CADM2: variants seen among roughly 807,000 people sequenced by gnomAD.
CADM2 encodes the protein cell adhesion molecule 2.
Under a neutral mutation model 49.8 loss-of-function variants are expected in CADM2, and 12 were observed. The ratio of observed to expected loss-of-function variants is 0.24; its 90% CI spans 0.15 to 0.39. CADM2 has a LOEUF of 0.39. Among genes scored for constraint, CADM2 ranks in the 10% least tolerant of loss-of-function variants. The probability of loss-of-function intolerance (pLI) is 1.00; values close to 1 mark genes in which losing one functional copy is unlikely to be tolerated. For synonymous variants in CADM2, 214 were observed against 175.4 expected (o/e 1.22, Z -1.74); for missense variants, 378 against 492.3 (o/e 0.77, Z 2.20).
intron 8 of CADM2, among the ~76,000 whole-genome samples, chr3:86,026,070 T>G (rs2107101998): frequency 6.6e-6 from 1 of 152,268 alleles, no homozygotes; most frequent in African/African-American, 2.4e-5. Flanking sequence ...AATTTAATGT[T>G]TATTGTGTAC....
intron 1 of CADM2, among the ~76,000 whole-genome samples, chr3:85,299,913 G>A (rs2044052930): frequency 6.6e-6 from 1 of 151,850 alleles, no homozygotes; most frequent in Non-Finnish European, 1.5e-5. Flanking sequence ...TTCTTTTGTA[G>A]CAGATCGTCA....
intron 3 of CADM2, among the ~76,000 whole-genome samples, chr3:85,802,734 A>G (rs1174891334): frequency 6.6e-6 from 1 of 152,156 alleles, no homozygotes; most frequent in Non-Finnish European, 1.5e-5. Context: ...ATTGGACTTC[A>G]TTAACTAATT....
At chr3:85,827,076 T>C (rs2073949704) in intron 3 of CADM2, among the ~76,000 whole-genome samples, 1 of 151,894 alleles carries the variant, frequency 6.6e-6, no homozygotes, top group African/African-American at 2.4e-5. Context: ...GGCTAGAAAC[T>C]GAATCAAGGA....
chr3:85,990,013 CAAAAAAAAAAAA>C (rs58178176), intron 8 of CADM2, among the ~76,000 whole-genome samples: 46 of 9,638 alleles, frequency 4.8e-3, no homozygotes, highest in Admixed American at 0.01. Context: ...ACTCCATGTC[CAAAAAAAAAAAA>C]AAAAAAAAAA....
chr3:85,953,589 T>A (rs1008229661), intron 7 of CADM2, among the ~76,000 whole-genome samples: 1 of 150,926 alleles, frequency 6.6e-6, no homozygotes, highest in Non-Finnish European at 1.5e-5. Context: ...GTGATGAATC[T>A]TTCTGATGTT....
At chr3:85,485,693 T>G (rs1387148054) in intron 1 of CADM2, among the ~76,000 whole-genome samples, 1 of 152,080 alleles carries the variant, frequency 6.6e-6, no homozygotes. Flanking sequence ...AGTAACTATT[T>G]ATTGCATTGA....
At chr3:85,205,565 T>C (rs1295197917) in intron 1 of CADM2, among the ~76,000 whole-genome samples, 1 of 152,084 alleles carries the variant, frequency 6.6e-6, no homozygotes, top group Non-Finnish European at 1.5e-5. Flanking sequence ...AATCAAAATA[T>C]GCCATAATTT....
intron 6 of CADM2, among the ~76,000 whole-genome samples, chr3:85,924,651 A>T (rs1719598267): frequency 6.6e-6 from 1 of 152,044 alleles, no homozygotes; most frequent in South Asian, 2.1e-4. Flanking sequence ...GAAAGTGCTG[A>T]TGCATTTATT....
intron 8 of CADM2, among the ~76,000 whole-genome samples, chr3:85,983,606 T>G (rs1435831793): frequency 1.3e-5 from 2 of 151,768 alleles, no homozygotes; most frequent in Non-Finnish European, 2.9e-5. Flanking sequence ...TACCAGCAGT[T>G]GTATCATACC....
At chr3:85,330,058 G>A (rs573315434) in intron 1 of CADM2, among the ~76,000 whole-genome samples, 25 of 152,098 alleles carry the variant, frequency 1.6e-4, no homozygotes, top group Middle Eastern at 3.2e-3. Context: ...ATTTTAAGAC[G>A]TGGTAGAAAT....
intron 2 of CADM2, among the ~76,000 whole-genome samples, chr3:85,735,370 T>C (rs188760399): frequency 3.3e-4 from 50 of 152,238 alleles, no homozygotes; most frequent in Middle Eastern, 3.4e-3. Context: ...CCTAACTTAT[T>C]TGAGCAATAT....
chr3:85,069,330 A>G (rs1042700017), intron 1 of CADM2, among the ~76,000 whole-genome samples: 1 of 152,118 alleles, frequency 6.6e-6, no homozygotes, highest in Admixed American at 6.5e-5. Flanking sequence ...TGTCCATTTA[A>G]AAAATCATTT....
chr3:85,131,818 C>T (rs2039237444), intron 1 of CADM2, among the ~76,000 whole-genome samples: 1 of 151,314 alleles, frequency 6.6e-6, no homozygotes, highest in Non-Finnish European at 1.5e-5. Context: ...AAGTCACATA[C>T]ACTACGATAC....
intron 8 of CADM2, among the ~76,000 whole-genome samples, chr3:86,025,366 G>A (rs996331758): frequency 5.3e-4 from 80 of 152,106 alleles, no homozygotes; most frequent in African/African-American, 1.8e-3. Flanking sequence ...CCATTATTTG[G>A]CAAAATAGTT....
intron 1 of CADM2, among the ~76,000 whole-genome samples, chr3:85,007,836 G>A (rs1402271288): frequency 1.3e-5 from 2 of 152,100 alleles, no homozygotes; most frequent in African/African-American, 4.8e-5. Context: ...TGTTAATTTC[G>A]AGGGAGTGAG....
At chr3:85,700,715 C>A (rs1159969268) in intron 1 of CADM2, among the ~76,000 whole-genome samples, 2 of 152,172 alleles carry the variant, frequency 1.3e-5, no homozygotes, top group African/African-American at 2.4e-5. Context: ...GACATTTACT[C>A]CAGTTCCAAA....
At chr3:85,312,490 G>A (rs532492154) in intron 1 of CADM2, among the ~76,000 whole-genome samples, 13 of 151,794 alleles carry the variant, frequency 8.6e-5, no homozygotes, top group African/African-American at 2.7e-4. Flanking sequence ...AGCATGATGC[G>A]GCATGATTTG....
At chr3:85,413,164 T>A (rs9942031) in intron 1 of CADM2, among the ~76,000 whole-genome samples, 47,216 of 74,444 alleles carry the variant, frequency 0.63, 16,017 homozygotes, top group East Asian at 0.72. Flanking sequence ...AAAAAAAAAA[T>A]AATAATAATA....
Position 85,154,376 on chromosome 3 carries a change from G to A in CADM2, c.61+194708G>A, listed in dbSNP as rs549717542. On this transcript the variant is annotated intron_variant, in intron 1 of 9. Transcript: ENST00000383699. ...GAAATGAATGAAATGAAGCGAGAAGGGAAGTTTAAAGAAAAAAGAATAAAA... is the reference window on the plus strand; with the variant it reads ...GAAATGAATGAAATGAAGCGAGAAGAGAAGTTTAAAGAAAAAAGAATAAAA... 2.3e-3 allele frequency among the ~76,000 whole-genome samples: 348 copies of A among 152,094 alleles called. 3 individuals carry two copies. Among genetic ancestry groups the A allele is most frequent in the African/African-American group, 8.0e-3 (333 of 41,496 alleles).
Sources: allele counts gnomAD v4.1 joint callset (sites outside exome capture counted in the v4.1 genomes callset), GRCh38; gene constraint gnomAD v4.1.1; transcripts MANE v1.5; gene names NCBI Gene and HGNC (gene_info 2026-07-23, HGNC 2026-07-21).